LIPK: variants seen among roughly 807,000 people sequenced by gnomAD.
The protein encoded by LIPK is lipase member K.
In LIPK, 32 loss-of-function variants were observed where a neutral mutation model predicts 48.6. That is an observed-to-expected ratio of 0.66 (90% CI 0.50 to 0.88). The LOEUF (loss-of-function observed/expected upper bound fraction) is 0.88. Among genes scored for constraint, LIPK ranks in the 40% least tolerant of loss-of-function variants. The probability of loss-of-function intolerance (pLI) is 0.00; values close to 1 mark genes in which losing one functional copy is unlikely to be tolerated. For synonymous variants in LIPK, 164 were observed against 157.4 expected (o/e 1.04, Z -0.32); for missense variants, 507 against 478.5 (o/e 1.06, Z -0.56).
At chr10:88,752,288 G>A (rs1014242689) in intron 9 of LIPK, among the ~76,000 whole-genome samples, 2 of 152,130 alleles carry the variant, frequency 1.3e-5, no homozygotes, top group African/African-American at 4.8e-5. Flanking sequence ...TCCCAAACGT[G>A]CAAGTCAGAA....
intron 1 of LIPK, among the ~76,000 whole-genome samples, chr10:88,721,217 G>A (rs1442391402): frequency 2.0e-5 from 3 of 152,044 alleles, no homozygotes; most frequent in Non-Finnish European, 4.4e-5. Flanking sequence ...GCAGAATGTC[G>A]ATGTGGGACA....
chr10:88,728,132 G>T, intron 3 of LIPK: 1 of 240,372 alleles, frequency 4.2e-6, no homozygotes, highest in South Asian at 5.2e-5. Flanking sequence ...AAGCTTACAT[G>T]AACAACGTAG....
chr10:88,736,124 G>A (rs1842566595), intron 6 of LIPK, among the ~76,000 whole-genome samples: 1 of 151,808 alleles, frequency 6.6e-6, no homozygotes, highest in African/African-American at 2.4e-5. Context: ...GAGAGGAAGA[G>A]AGGGATGGAG....
intron 9 of LIPK, among the ~76,000 whole-genome samples, chr10:88,750,992 G>T (rs931019464): frequency 5.3e-5 from 8 of 152,112 alleles, no homozygotes; most frequent in Non-Finnish European, 1.2e-4. Context: ...AACTAAGACT[G>T]CCTAATAGTT....
intron 6 of LIPK, among the ~76,000 whole-genome samples, chr10:88,734,260 C>T (rs1842525298): frequency 6.6e-6 from 1 of 152,102 alleles, no homozygotes; most frequent in Non-Finnish European, 1.5e-5. Context: ...GATAAGATGG[C>T]ATTTTAGTTT....
chr10:88,730,047 T>C (rs1262103513), intron 3 of LIPK, among the ~76,000 whole-genome samples: 1 of 152,240 alleles, frequency 6.6e-6, no homozygotes, highest in Non-Finnish European at 1.5e-5. Context: ...TGTAAATTTC[T>C]ACTTACAACC....
intron 5 of LIPK, 49 bp downstream of exon 5, chr10:88,732,336 A>T (rs534159236): frequency 6.3e-7 from 1 of 1,593,654 alleles, no homozygotes. Flanking sequence ...CTCTTCTTCC[A>T]TATGGCTACA....
At chr10:88,750,894 C>CA (rs776620241) in intron 9 of LIPK, among the ~76,000 whole-genome samples, 4 of 151,746 alleles carry the variant, frequency 2.6e-5, no homozygotes, top group Admixed American at 6.6e-5. Flanking sequence ...TATTCCTTCT[C>CA]AAAAAAACAA....
intron 9 of LIPK, among the ~76,000 whole-genome samples, chr10:88,749,309 A>C (rs1010643205): frequency 6.6e-6 from 1 of 152,242 alleles, no homozygotes; most frequent in Non-Finnish European, 1.5e-5. Flanking sequence ...TGAATAGTCA[A>C]GGCAATCTTA....
At chr10:88,738,063 G>A (rs1038049916) in intron 7 of LIPK, among the ~76,000 whole-genome samples, 37 of 152,136 alleles carry the variant, frequency 2.4e-4, no homozygotes, top group African/African-American at 8.0e-4. Flanking sequence ...CTGTGCCTAC[G>A]CCTTATGTCA....
intron 8 of LIPK, among the ~76,000 whole-genome samples, chr10:88,740,314 C>T (rs1842654904): frequency 6.6e-6 from 1 of 152,192 alleles, no homozygotes; most frequent in Admixed American, 6.5e-5. Flanking sequence ...TGATTCCAAA[C>T]TACATTTTAA....
rs769428384 is a variant in LIPK at position 88,752,502 on chromosome 10, T to G, written c.961-15T>G. On this transcript the variant is annotated splice_polypyrimidine_tract_variant and intron_variant, in intron 9 of 9. Transcript: ENST00000404190. Reference sequence around the variant, plus strand: ...TTCTGTAAAAACTTTTCTCTCTCTCTTTTATTGTATTTAGCTTACACCTCC... The same window carrying G: ...TTCTGTAAAAACTTTTCTCTCTCTCGTTTATTGTATTTAGCTTACACCTCC... 1.3e-6 allele frequency: 2 copies of G among 1,524,518 alleles called. No individual in the cohort carries two copies. Among genetic ancestry groups the G allele is most frequent in the East Asian group, 4.9e-5 (2 of 40,766 alleles). 94.4% of individuals were successfully genotyped at this position (1,524,518 alleles called of 1,614,324 possible). A position where few individuals can be genotyped will look rare whatever the true frequency, so the allele number is the denominator to read the frequency against.
rs1255255952 is a variant in LIPK at position 88,739,699 on chromosome 10, C to A, written c.817-297C>A. ...TGAAACCCTGTCTCTACTAAAAGTA[C>A]AAACACAAAATTAGCCAGGCGTGGT... On this transcript the variant is annotated intron_variant, in intron 7 of 9. Transcript: ENST00000404190. Among the ~76,000 whole-genome samples the A allele has an allele frequency of 2.6e-5, 4 of 151,770 alleles. No homozygotes were observed. The East Asian group carries it at 5.8e-4, about 22-fold the overall frequency.
intron 1 of LIPK, among the ~76,000 whole-genome samples, chr10:88,716,383 A>T (rs1842119155): frequency 7.1e-6 from 1 of 140,654 alleles, no homozygotes; most frequent in Non-Finnish European, 1.5e-5. Context: ...TTTGAGACAG[A>T]GTCTCATTCT....
At chr10:88,712,582 C>A (rs1436436945) in intron 1 of LIPK, among the ~76,000 whole-genome samples, 2 of 152,084 alleles carry the variant, frequency 1.3e-5, no homozygotes, top group African/African-American at 2.4e-5. Flanking sequence ...ATCCTTGTTC[C>A]AGATAATGTT....
chr10:88,739,998 T>TTACTTGGATAAA lies in LIPK; in HGVS notation c.819_820insTACTTGGATAAA (p.Ser273_Arg274insTyrLeuAspLys). ...GATGAGAAGTAATCTCTTTGCAGAGTCGCTTGGATGTTTATTTGTCACACA... is the reference window on the plus strand; with the variant it reads ...GATGAGAAGTAATCTCTTTGCAGAGTTACTTGGATAAACGCTTGGATGTTTATTTGTCACACA... On this transcript the variant is annotated inframe_insertion, in exon 8 of 10. Coordinates refer to ENST00000404190, the MANE Select transcript of LIPK (RefSeq NM_001080518.2). 6.2e-7 allele frequency: 1 copy of TTACTTGGATAAA among 1,610,490 alleles called. No homozygotes were observed. Among genetic ancestry groups the TTACTTGGATAAA allele is most frequent in the South Asian group, 1.1e-5 (1 of 90,728 alleles).
At chr10:88,738,446 C>T (rs1045652825) in intron 7 of LIPK, among the ~76,000 whole-genome samples, 3 of 152,222 alleles carry the variant, frequency 2.0e-5, no homozygotes, top group African/African-American at 7.2e-5. Context: ...CCTACTCTCC[C>T]AGTCAGTAGA....
At chr10:88,729,847 G>C (rs1349223554) in intron 3 of LIPK, among the ~76,000 whole-genome samples, 1 of 152,184 alleles carries the variant, frequency 6.6e-6, no homozygotes. Context: ...ACCTGAGGTA[G>C]AGTCCTGAGA....
At chr10:88,723,266 T>C (rs1251756308) in intron 1 of LIPK, among the ~76,000 whole-genome samples, 1 of 152,182 alleles carries the variant, frequency 6.6e-6, no homozygotes, top group Admixed American at 6.5e-5. Context: ...ACATAATAGG[T>C]GCTCAATACA....
Sources: allele counts gnomAD v4.1 joint callset (sites outside exome capture counted in the v4.1 genomes callset), GRCh38; gene constraint gnomAD v4.1.1; transcripts MANE v1.5; gene names NCBI Gene and HGNC (gene_info 2026-07-23, HGNC 2026-07-21).